The following CNOT6 variants were observed in gnomAD, a reference collection of about 807,000 sequenced individuals.
The protein encoded by CNOT6 is CCR4-NOT transcription complex subunit 6.
In CNOT6, 12 loss-of-function variants were observed where a neutral mutation model predicts 61.2. The observed-to-expected ratio is 0.20, with a 90% CI of 0.13 to 0.32. The LOEUF is 0.32. Ranked by LOEUF, CNOT6 falls within the 10% of genes least tolerant of loss-of-function variation. The probability of loss-of-function intolerance (pLI) is 1.00; values close to 1 mark genes in which losing one functional copy is unlikely to be tolerated. For missense variants in CNOT6, 405 were observed against 663.9 expected (o/e 0.61, Z 4.28); for synonymous variants, 225 against 240.6 (o/e 0.94, Z 0.60).
intron 1 of CNOT6, among the ~76,000 whole-genome samples, chr5:180,525,921 T>A (rs35955398): frequency 0.17 from 25,586 of 151,472 alleles, 2,242 homozygotes; most frequent in Non-Finnish European, 0.19. Flanking sequence ...TTTCTTCTTT[T>A]AAAAAAAAAT....
chr5:180,514,924 T>C (rs1170902035), intron 1 of CNOT6, among the ~76,000 whole-genome samples: 2 of 152,058 alleles, frequency 1.3e-5, no homozygotes, highest in African/African-American at 4.8e-5. Context: ...ACACAAGACA[T>C]TGGGAGATAC....
At chr5:180,564,632 C>T (rs752279163) in intron 5 of CNOT6, 39 bp downstream of exon 5, 6 of 1,604,436 alleles carry the variant, frequency 3.7e-6, no homozygotes, top group African/African-American at 1.3e-5. Flanking sequence ...ATTAGGAAGA[C>T]GTGTAAGAAT....
intron 1 of CNOT6, among the ~76,000 whole-genome samples, chr5:180,520,160 A>C (rs554370468): frequency 6.6e-6 from 1 of 152,170 alleles, no homozygotes; most frequent in South Asian, 2.1e-4. Flanking sequence ...ATGAACATTT[A>C]GATTTTCAGT....
intron 2 of CNOT6, among the ~76,000 whole-genome samples, chr5:180,530,508 A>G (rs906447260): frequency 4.0e-5 from 6 of 151,706 alleles, no homozygotes; most frequent in African/African-American, 1.5e-4. Context: ...CTTTGCAGCC[A>G]TAGTAGAGGT....
At chr5:180,567,504 T>G (rs531312308) in intron 8 of CNOT6, among the ~76,000 whole-genome samples, 1 of 152,372 alleles carries the variant, frequency 6.6e-6, no homozygotes, top group Admixed American at 6.5e-5. Flanking sequence ...ACCATGTAGT[T>G]AAAATTCCCT....
chr5:180,526,359 G>A (rs7713575), intron 1 of CNOT6, among the ~76,000 whole-genome samples: 1 of 152,198 alleles, frequency 6.6e-6, no homozygotes, highest in Non-Finnish European at 1.5e-5. Flanking sequence ...GGAAGGGATT[G>A]CCAGAGTAAT....
At chr5:180,533,312 CTATATATATA>C (rs56266069) in intron 2 of CNOT6, among the ~76,000 whole-genome samples, 13 of 127,640 alleles carry the variant, frequency 1.0e-4, no homozygotes, top group East Asian at 5.1e-4. Context: ...GGATGAAAAC[CTATATATATA>C]TATATATATA....
intron 1 of CNOT6, among the ~76,000 whole-genome samples, chr5:180,522,050 G>A (rs1222006211): frequency 6.6e-6 from 1 of 152,138 alleles, no homozygotes; most frequent in African/African-American, 2.4e-5. Flanking sequence ...TTTGGGTATA[G>A]AACCAGTAAT....
chr5:180,565,379 G>A (rs1760401369), intron 6 of CNOT6, among the ~76,000 whole-genome samples: 1 of 152,172 alleles, frequency 6.6e-6, no homozygotes, highest in Non-Finnish European at 1.5e-5. Context: ...ACAAAATTTG[G>A]TCTGTGATAC....
chr5:180,545,795 C>T (rs1022525480), intron 2 of CNOT6, among the ~76,000 whole-genome samples: 6 of 152,126 alleles, frequency 3.9e-5, no homozygotes, highest in Non-Finnish European at 7.4e-5. Flanking sequence ...TGTCTTGTTT[C>T]ATATTCCTAC....
chr5:180,571,996 T>C (rs1304398020), intron 11 of CNOT6, among the ~76,000 whole-genome samples: 2 of 152,216 alleles, frequency 1.3e-5, no homozygotes, highest in African/African-American at 2.4e-5. Flanking sequence ...CTAAGTTGAC[T>C]TTTTCACCTT....
intron 1 of CNOT6, among the ~76,000 whole-genome samples, chr5:180,515,495 C>T (rs1171611866): frequency 6.6e-6 from 1 of 152,138 alleles, no homozygotes; most frequent in African/African-American, 2.4e-5. Context: ...GAGGTTTGGA[C>T]TTTAGGCAGG....
chr5:180,549,397 C>T (rs1561654486), intron 2 of CNOT6, among the ~76,000 whole-genome samples: 1 of 152,020 alleles, frequency 6.6e-6, no homozygotes, highest in Non-Finnish European at 1.5e-5. Flanking sequence ...TGCCTGTAAC[C>T]CCAGCACTTT....
At chr5:180,532,761 T>C (rs1251618814) in intron 2 of CNOT6, among the ~76,000 whole-genome samples, 2 of 152,190 alleles carry the variant, frequency 1.3e-5, no homozygotes, top group African/African-American at 4.8e-5. Context: ...CAGCTTCAGG[T>C]TGGGGTTCCC....
rs752763428 is a variant in CNOT6 at position 180,565,918 on chromosome 5, A to C, written c.658A>C (p.Arg220=). The C allele has an allele frequency of 6.2e-7, 1 of 1,614,048 alleles. No individual in the cohort carries two copies. Among genetic ancestry groups the C allele is most frequent in the Non-Finnish European group, 8.5e-7 (1 of 1,179,956 alleles). ...CPSWALNWDY[R]KKAIIQEILS... Reference sequence around the variant, plus strand: ...ATCATGGGCGCTAAACTGGGACTACAGGAAAAAGGCCATTATTCAAGAAAT... The same window carrying C: ...ATCATGGGCGCTAAACTGGGACTACCGGAAAAAGGCCATTATTCAAGAAAT... The change falls in exon 7 of 12, where the codon AGG becomes CGG. Residue 220 remains arginine (R), a synonymous_variant. Coordinates refer to ENST00000261951, the MANE Select transcript of CNOT6 (RefSeq NM_001370472.1).
chr5:180,495,254 C>T (rs931152786), intron 1 of CNOT6, among the ~76,000 whole-genome samples: 1 of 152,196 alleles, frequency 6.6e-6, no homozygotes, highest in Non-Finnish European at 1.5e-5. Flanking sequence ...TTCAGTTTAA[C>T]GCAGATTTTG....
intron 1 of CNOT6, among the ~76,000 whole-genome samples, chr5:180,516,509 T>C (rs1261701051): frequency 1.3e-5 from 2 of 152,174 alleles, no homozygotes; most frequent in African/African-American, 2.4e-5. Flanking sequence ...CAGGATATTA[T>C]CTTGTCAGTT....
At chr5:180,513,020 C>T (rs1303007303) in intron 1 of CNOT6, among the ~76,000 whole-genome samples, 6 of 152,154 alleles carry the variant, frequency 3.9e-5, no homozygotes, top group South Asian at 4.1e-4. Context: ...CTCAGCCTCC[C>T]GAGTAGCTGG....
At chr5:180,515,790 G>A (rs1323342483) in intron 1 of CNOT6, among the ~76,000 whole-genome samples, 5 of 151,980 alleles carry the variant, frequency 3.3e-5, no homozygotes, top group Admixed American at 1.3e-4. Flanking sequence ...CCTTTCCTCT[G>A]TTGCTCTTTG....
Sources: gnomAD v4.1 joint callset for allele counts (sites outside exome capture counted in the v4.1 genomes callset) on GRCh38, gnomAD v4.1.1 for gene constraint, MANE v1.5 for transcripts, NCBI Gene and HGNC (gene_info 2026-07-23, HGNC 2026-07-21) for gene names.